The following DPYD variants were observed in gnomAD, a reference collection of about 807,000 sequenced individuals.
DPYD encodes the protein dihydropyrimidine dehydrogenase [NADP(+)].
A neutral mutation model predicts 116.2 loss-of-function variants in DPYD; 109 were observed. That is an observed-to-expected ratio of 0.94 (90% CI 0.80 to 1.10). DPYD has a LOEUF of 1.10. DPYD is among the 50% of genes least tolerant of loss of function. The pLI is 0.00. For missense variants in DPYD, 1,302 were observed against 1,254.5 expected, an observed-to-expected ratio of 1.04 and a Z score of -0.57; for synonymous variants, 440 against 432.0, an observed-to-expected ratio of 1.02 and a Z score of -0.23.
chr1:97,647,295 T>A (rs1658320526), intron 8 of DPYD, among the ~76,000 whole-genome samples: 1 of 152,086 alleles, frequency 6.6e-6, no homozygotes, highest in African/African-American at 2.4e-5. Flanking sequence ...TTTATACATT[T>A]TCTTATAAGT....
At chr1:97,884,072 A>G (rs1158826881) in intron 1 of DPYD, among the ~76,000 whole-genome samples, 1 of 152,028 alleles carries the variant, frequency 6.6e-6, no homozygotes, top group Non-Finnish European at 1.5e-5. Context: ...ATCATTATAC[A>G]TTGACAAAAA....
chr1:97,522,008 T>C (rs1465713134), intron 12 of DPYD, among the ~76,000 whole-genome samples: 1 of 152,152 alleles, frequency 6.6e-6, no homozygotes, highest in East Asian at 1.9e-4. Context: ...GCAGACTTCA[T>C]GACTAAAACA....
intron 14 of DPYD, among the ~76,000 whole-genome samples, chr1:97,393,864 C>T (rs1672858034): frequency 6.6e-6 from 1 of 152,124 alleles, no homozygotes. Flanking sequence ...GAGGAACTGC[C>T]ACACTGTCTT....
chr1:97,275,708 C>T (rs1282407853), intron 18 of DPYD, among the ~76,000 whole-genome samples: 1 of 152,096 alleles, frequency 6.6e-6, no homozygotes, highest in Non-Finnish European at 1.5e-5. Flanking sequence ...TAATAGTTTG[C>T]CAATTATTTA....
intron 1 of DPYD, among the ~76,000 whole-genome samples, chr1:97,910,744 T>A (rs149153594): frequency 6.6e-6 from 1 of 152,076 alleles, no homozygotes; most frequent in African/African-American, 2.4e-5. Context: ...ATAAATATTA[T>A]AAAGGACAGA....
At chr1:97,311,944 T>G (rs965210896) in intron 16 of DPYD, among the ~76,000 whole-genome samples, 15 of 151,220 alleles carry the variant, frequency 9.9e-5, no homozygotes, top group Non-Finnish European at 1.9e-4. Flanking sequence ...GTAGGGATGG[T>G]GTTAAAGTGG....
intron 17 of DPYD, among the ~76,000 whole-genome samples, 162 bp downstream of exon 17, chr1:97,306,015 G>A (rs1431496835): frequency 6.6e-6 from 1 of 151,904 alleles, no homozygotes; most frequent in Non-Finnish European, 1.5e-5. Flanking sequence ...GAGTCCAGGT[G>A]TAAATCTCCT....
chr1:97,473,293 C>G (rs1002559842), intron 13 of DPYD, among the ~76,000 whole-genome samples: 7 of 152,084 alleles, frequency 4.6e-5, no homozygotes, highest in African/African-American at 1.7e-4. Context: ...TCCATGTTGC[C>G]CCAAATGTCA....
chr1:97,540,492 C>G (rs1650365454), intron 12 of DPYD, among the ~76,000 whole-genome samples: 1 of 152,118 alleles, frequency 6.6e-6, no homozygotes, highest in Non-Finnish European at 1.5e-5. Context: ...TGAAAGGGCC[C>G]CCAGAGCAGA....
At chr1:97,371,100 T>G (rs140011238) in intron 16 of DPYD, among the ~76,000 whole-genome samples, 6 of 152,214 alleles carry the variant, frequency 3.9e-5, no homozygotes, top group African/African-American at 1.4e-4. Flanking sequence ...CAGTGTTACA[T>G]CTATATAATG....
rs1209695820 is a variant in DPYD at position 97,319,932 on chromosome 1, G to A, written c.2059-13635C>T. ...GGGATGCAAGGCTGGTTCAATATAC[G>A]CAAATCAATAAATGTAATACAGCAT... On this transcript the variant is annotated intron_variant, in intron 16 of 22. Coordinates refer to ENST00000370192, the MANE Select transcript of DPYD (RefSeq NM_000110.4). 6.5e-3 allele frequency among the ~76,000 whole-genome samples: 755 copies of A among 116,582 alleles called. 8 individuals are homozygous for A. The highest frequency in any genetic ancestry group is 0.023 in the Middle Eastern group (5 of 220). 76.5% of individuals were successfully genotyped at this position (116,582 alleles called of 152,430 possible). A position where few individuals can be genotyped will look rare whatever the true frequency, so the allele number is the denominator to read the frequency against.
chr1:97,907,523 G>A (rs1673698393), intron 1 of DPYD, among the ~76,000 whole-genome samples: 1 of 152,006 alleles, frequency 6.6e-6, no homozygotes, highest in South Asian at 2.1e-4. Flanking sequence ...CCAGAACCAG[G>A]ACTTTAATAG....
intron 20 of DPYD, among the ~76,000 whole-genome samples, chr1:97,191,686 C>T (rs79850512): frequency 1.3e-5 from 2 of 152,170 alleles, no homozygotes; most frequent in African/African-American, 2.4e-5. Flanking sequence ...CTTCCATTTC[C>T]GCTCACATGG....
At chr1:97,565,031 T>C (rs1288582755) in intron 11 of DPYD, among the ~76,000 whole-genome samples, 1 of 152,108 alleles carries the variant, frequency 6.6e-6, no homozygotes, top group Non-Finnish European at 1.5e-5. Context: ...ATAAGGCATA[T>C]ATAATCCACC....
At chr1:97,506,114 G>T (rs1323129894) in intron 13 of DPYD, among the ~76,000 whole-genome samples, 2 of 151,932 alleles carry the variant, frequency 1.3e-5, no homozygotes, top group Non-Finnish European at 2.9e-5. Context: ...TAGGAAAAAG[G>T]AGCATACAGC....
chr1:97,227,331 C>T (rs1304753531), intron 19 of DPYD, among the ~76,000 whole-genome samples: 2 of 26,378 alleles, frequency 7.6e-5, no homozygotes, highest in Admixed American at 5.2e-4. Context: ...GACTCTATCT[C>T]AAAAAAAAAA....
At chr1:97,334,224 C>A (rs1423662089) in intron 16 of DPYD, among the ~76,000 whole-genome samples, 1 of 152,110 alleles carries the variant, frequency 6.6e-6, no homozygotes, top group Non-Finnish European at 1.5e-5. Context: ...TCAGTAATTG[C>A]AAAAATTTGG....
At chr1:97,233,780 C>T (rs1661730528) in intron 19 of DPYD, among the ~76,000 whole-genome samples, 1 of 152,132 alleles carries the variant, frequency 6.6e-6, no homozygotes, top group South Asian at 2.1e-4. Context: ...GCCAATCTGC[C>T]TTCTCTTCAC....
chr1:97,617,557 A>G (rs1239932005), intron 8 of DPYD, among the ~76,000 whole-genome samples: 3 of 152,172 alleles, frequency 2.0e-5, no homozygotes, highest in Admixed American at 2.0e-4. Flanking sequence ...CAACATTGAG[A>G]GTAAGTTCAG....
Sources: gnomAD v4.1 joint callset for allele counts (sites outside exome capture counted in the v4.1 genomes callset) on GRCh38, gnomAD v4.1.1 for gene constraint, MANE v1.5 for transcripts, NCBI Gene and HGNC (gene_info 2026-07-23, HGNC 2026-07-21) for gene names.